MACROD2: variants seen among roughly 807,000 people sequenced by gnomAD.
MACROD2 encodes mono-ADP ribosylhydrolase 2.
MACROD2 carries 36 observed loss-of-function variants against 70.4 expected under a neutral mutation model. That is an observed-to-expected ratio of 0.51 (90% confidence interval 0.39 to 0.68). MACROD2 has a LOEUF of 0.68. Among genes scored for constraint, MACROD2 ranks in the 30% least tolerant of loss-of-function variants. The pLI, the probability that MACROD2 is intolerant of heterozygous loss-of-function variation, is 0.00. For synonymous variants in MACROD2, 172 were observed against 178.8 expected (o/e 0.96, Z 0.30); for missense variants, 496 against 538.4 (o/e 0.92, Z 0.78).
At chr20:14,410,217 CTTTTTTTTT>C (rs11469280) in intron 3 of MACROD2, among the ~76,000 whole-genome samples, 1 of 134,404 alleles carries the variant, frequency 7.4e-6, no homozygotes, top group Non-Finnish European at 1.6e-5. Flanking sequence ...GTTTGCATTT[CTTTTTTTTT>C]TTTTTTTTTG....
chr20:14,622,114 C>T lies in MACROD2; in HGVS notation c.302-62729C>T, dbSNP rs569423781. Among the ~76,000 whole-genome samples the T allele has an allele frequency of 9.9e-5, 15 of 152,148 alleles. No individual in the cohort carries two copies. The South Asian group carries it at 1.5e-3, about 15-fold the overall frequency. On this transcript the variant is annotated intron_variant, in intron 4 of 17. Coordinates refer to ENST00000684519, the MANE Select transcript of MACROD2 (RefSeq NM_001351661.2). ...ACATTATTTTATTTAACATTTTAATCATTTTTAATGTATTCCTGAGTTAAC... is the reference window on the plus strand; with the variant it reads ...ACATTATTTTATTTAACATTTTAATTATTTTTAATGTATTCCTGAGTTAAC...
At chr20:14,577,383 A>G (rs1026981284) in intron 4 of MACROD2, among the ~76,000 whole-genome samples, 3 of 152,222 alleles carry the variant, frequency 2.0e-5, no homozygotes, top group Non-Finnish European at 4.4e-5. Context: ...TGTAAAGCGT[A>G]TATTTCAAAA....
chr20:14,694,106 G>C (rs1053679889), intron 5 of MACROD2, among the ~76,000 whole-genome samples: 16 of 152,042 alleles, frequency 1.1e-4, no homozygotes, highest in African/African-American at 3.4e-4. Context: ...AAGAACCTCA[G>C]ATAATGGTAA....
chr20:15,801,832 CAG>C (rs985129872), intron 8 of MACROD2, among the ~76,000 whole-genome samples: 1 of 152,096 alleles, frequency 6.6e-6, no homozygotes, highest in Non-Finnish European at 1.5e-5. Flanking sequence ...GATTCATGAA[CAG>C]GGGATGTCTT....
At chr20:15,993,193 T>C (rs1400201503) in intron 15 of MACROD2, among the ~76,000 whole-genome samples, 1 of 151,760 alleles carries the variant, frequency 6.6e-6, no homozygotes, top group Non-Finnish European at 1.5e-5. Context: ...AGTAAGGGAA[T>C]CATTAAGATG....
intron 8 of MACROD2, among the ~76,000 whole-genome samples, chr20:15,574,641 A>C (rs574012453): frequency 1.3e-5 from 2 of 152,242 alleles, no homozygotes; most frequent in South Asian, 4.2e-4. Flanking sequence ...CAAATCATAC[A>C]GGGCTTGGAC....
In MACROD2 at chr20:15,001,149, C is replaced by T. The variant is rs140040639; in HGVS notation, c.419-228791C>T. On this transcript the variant is annotated intron_variant, in intron 5 of 17. Transcript: ENST00000684519. ...AATGATAGCAGGTAGGAAGTCTCAA[C>T]AGTAATAGAAAATGGCTGTTTGGGA... Among the ~76,000 whole-genome samples the T allele has an allele frequency of 6.2e-3, 947 of 152,226 alleles. 14 individuals are homozygous for T. The highest frequency in any genetic ancestry group is 0.022 in the African/African-American group (895 of 41,544).
At chr20:14,604,165 T>C (rs1160226797) in intron 4 of MACROD2, among the ~76,000 whole-genome samples, 5 of 152,204 alleles carry the variant, frequency 3.3e-5, no homozygotes, top group African/African-American at 1.2e-4. Context: ...GGAAGTTTAG[T>C]TTCTCTTTCC....
At chr20:15,902,792 C>T (rs2147247418) in intron 10 of MACROD2, among the ~76,000 whole-genome samples, 1 of 152,096 alleles carries the variant, frequency 6.6e-6, no homozygotes, top group African/African-American at 2.4e-5. Flanking sequence ...CCCAAGAAAG[C>T]CCCCAGATGA....
At chr20:15,589,438 CCCT>C (rs1415329393) in intron 8 of MACROD2, among the ~76,000 whole-genome samples, 4 of 152,128 alleles carry the variant, frequency 2.6e-5, no homozygotes, top group Admixed American at 2.6e-4. Flanking sequence ...CTCATATACC[CCCT>C]CCTCCCACAC....
At chr20:14,581,699 T>G (rs1981031289) in intron 4 of MACROD2, among the ~76,000 whole-genome samples, 1 of 152,206 alleles carries the variant, frequency 6.6e-6, no homozygotes, top group African/African-American at 2.4e-5. Context: ...TTTTATGCTT[T>G]ATTTCACATT....
At chr20:14,020,637 G>A (rs1015725726) in intron 2 of MACROD2, among the ~76,000 whole-genome samples, 1 of 152,034 alleles carries the variant, frequency 6.6e-6, no homozygotes, top group Admixed American at 6.6e-5. Context: ...CCTTCTTCTG[G>A]GTTTGTTGTT....
intron 5 of MACROD2, among the ~76,000 whole-genome samples, chr20:15,035,332 A>G (rs1190929822): frequency 6.6e-6 from 1 of 152,144 alleles, no homozygotes; most frequent in East Asian, 1.9e-4. Context: ...TTTGCCTGGG[A>G]GGTCAAGGTT....
At chr20:14,975,340 C>T (rs569739562) in intron 5 of MACROD2, among the ~76,000 whole-genome samples, 80 of 152,154 alleles carry the variant, frequency 5.3e-4, no homozygotes, top group African/African-American at 1.9e-3. Flanking sequence ...AGTGCGTATC[C>T]ATAGAAATTC....
intron 4 of MACROD2, among the ~76,000 whole-genome samples, chr20:14,542,523 T>C (rs1015634042): frequency 2.0e-5 from 3 of 152,214 alleles, no homozygotes; most frequent in Non-Finnish European, 1.5e-5. Flanking sequence ...ATTCAATGAA[T>C]GAATACTTAA....
intron 5 of MACROD2, among the ~76,000 whole-genome samples, chr20:15,141,543 G>A (rs1029397967): frequency 6.6e-6 from 1 of 152,150 alleles, no homozygotes; most frequent in Non-Finnish European, 1.5e-5. Flanking sequence ...GGGACTACCT[G>A]CCTCTCTCTG....
At chr20:14,713,245 A>C (rs1317441680) in intron 5 of MACROD2, among the ~76,000 whole-genome samples, 6 of 152,140 alleles carry the variant, frequency 3.9e-5, no homozygotes, top group African/African-American at 1.2e-4. Context: ...CCAGGTGCTC[A>C]CTCAGATTTG....
At chr20:14,900,559 T>G (rs2073882898) in intron 5 of MACROD2, among the ~76,000 whole-genome samples, 1 of 146,966 alleles carries the variant, frequency 6.8e-6, no homozygotes, top group Non-Finnish European at 1.5e-5. Flanking sequence ...CTGAGATTTT[T>G]TTTAAATTTC....
chr20:15,663,627 A>G (rs1284323289), intron 8 of MACROD2, among the ~76,000 whole-genome samples: 3 of 152,158 alleles, frequency 2.0e-5, no homozygotes, highest in African/African-American at 7.2e-5. Context: ...AGACAGAAAA[A>G]AAAAACCGTG....
Sources: allele counts gnomAD v4.1 joint callset (sites outside exome capture counted in the v4.1 genomes callset), GRCh38; gene constraint gnomAD v4.1.1; transcripts MANE v1.5; gene names NCBI Gene and HGNC (gene_info 2026-07-23, HGNC 2026-07-21).